The following PDE11A variants were observed in gnomAD, a reference collection of about 807,000 sequenced individuals.
The protein encoded by PDE11A is dual 3',5'-cyclic-AMP and -GMP phosphodiesterase 11A.
Under a neutral mutation model 100.5 loss-of-function variants are expected in PDE11A, and 100 were observed. The observed-to-expected ratio is 1.00, with a 90% CI of 0.85 to 1.18. PDE11A has a LOEUF of 1.18. Ranked by LOEUF, PDE11A falls within the 50% of genes most tolerant of loss-of-function variation. PDE11A has a pLI of 0.00. For missense variants in PDE11A, 1,141 were observed against 1,152.6 expected, an observed-to-expected ratio of 0.99 and a Z score of 0.15; for synonymous variants, 381 against 420.8, an observed-to-expected ratio of 0.91 and a Z score of 1.16.
intron 18 of PDE11A, among the ~76,000 whole-genome samples, chr2:177,665,432 A>G (rs907557873): frequency 2.6e-5 from 4 of 151,730 alleles, no homozygotes; most frequent in Non-Finnish European, 5.9e-5. Context: ...TTGAGCTACA[A>G]TCATGTCGTT....
chr2:177,698,689 T>G (rs997421369), intron 14 of PDE11A: 10 of 152,224 alleles, frequency 6.6e-5, no homozygotes, highest in African/African-American at 2.4e-4. Context: ...CCGCCACTCC[T>G]TAAAGACTAG....
chr2:178,072,831 G>A (rs183973011), upstream of PDE11A: 1 of 1,188,758 alleles, frequency 8.4e-7, no homozygotes, highest in Admixed American at 3.8e-5. Context: ...CCCTGAGTGA[G>A]GCACGGAGCC....
At chr2:177,648,364 A>G (rs1046377417) in intron 19 of PDE11A, among the ~76,000 whole-genome samples, 38 of 152,112 alleles carry the variant, frequency 2.5e-4, no homozygotes, top group African/African-American at 8.7e-4. Flanking sequence ...AGGGACCAAT[A>G]TTTTCAGTAG....
intron 2 of PDE11A, among the ~76,000 whole-genome samples, chr2:177,970,258 A>G (rs560298953): frequency 2.0e-5 from 3 of 152,310 alleles, no homozygotes; most frequent in Non-Finnish European, 4.4e-5. Flanking sequence ...TTAAACTGAC[A>G]CGTTTACATT....
chr2:177,693,649 T>C (rs1300995413), intron 15 of PDE11A, among the ~76,000 whole-genome samples: 1 of 152,164 alleles, frequency 6.6e-6, no homozygotes, highest in Non-Finnish European at 1.5e-5. Flanking sequence ...GAGTCAACAT[T>C]ATCACATAAT....
intron 2 of PDE11A, among the ~76,000 whole-genome samples, chr2:177,969,440 A>T (rs967115905): frequency 3.3e-5 from 5 of 152,146 alleles, no homozygotes; most frequent in African/African-American, 1.2e-4. Context: ...AAATAATAAA[A>T]AAAAACTCTC....
chr2:177,968,816 G>C (rs1158024159), intron 2 of PDE11A, among the ~76,000 whole-genome samples: 1 of 152,230 alleles, frequency 6.6e-6, no homozygotes, highest in Non-Finnish European at 1.5e-5. Context: ...GTACACTGTT[G>C]GTGGGAGGGT....
chr2:177,932,545 T>C lies in PDE11A; in HGVS notation c.1072-27358A>G, dbSNP rs536634576. ...TAATAAATGTGATTCACCACATAAA[T>C]GGAATTAAAAACAAAATCAAAAGAT... On this transcript the variant is annotated intron_variant, in intron 2 of 19. Coordinates refer to ENST00000286063, the MANE Select transcript of PDE11A (RefSeq NM_016953.4). Among the ~76,000 whole-genome samples, 16 of 152,208 alleles carry C rather than the reference T, an allele frequency of 1.1e-4. No homozygotes were observed. In the South Asian group the frequency reaches 3.3e-3, roughly 32 times the overall value.
intron 1 of PDE11A, among the ~76,000 whole-genome samples, chr2:178,021,555 C>T (rs899356589): frequency 1.3e-5 from 2 of 152,028 alleles, no homozygotes; most frequent in Non-Finnish European, 2.9e-5. Context: ...GATAAAGGAA[C>T]ATGTTACTCT....
At chr2:177,965,590 A>G (rs1256447172) in intron 2 of PDE11A, among the ~76,000 whole-genome samples, 1 of 152,138 alleles carries the variant, frequency 6.6e-6, no homozygotes, top group African/African-American at 2.4e-5. Flanking sequence ...TTAGCCAGTT[A>G]TCCCAGCACC....
chr2:177,907,054 A>G (rs1241671087), intron 2 of PDE11A, among the ~76,000 whole-genome samples: 1 of 152,114 alleles, frequency 6.6e-6, no homozygotes. Flanking sequence ...AGAGTGATCA[A>G]ATGAAGATGT....
At chr2:178,035,153 G>A (rs1020297935) in intron 1 of PDE11A, among the ~76,000 whole-genome samples, 2 of 151,694 alleles carry the variant, frequency 1.3e-5, no homozygotes, top group Non-Finnish European at 2.9e-5. Context: ...GAAGAAAAGA[G>A]AGAAGAATCA....
At chr2:178,055,456 C>T (rs1324541392) in intron 1 of PDE11A, among the ~76,000 whole-genome samples, 1 of 151,974 alleles carries the variant, frequency 6.6e-6, no homozygotes, top group African/African-American at 2.4e-5. Context: ...ATGTAACAAA[C>T]CTGCACGTTG....
intron 2 of PDE11A, among the ~76,000 whole-genome samples, chr2:177,907,841 A>G (rs773911802): frequency 2.6e-5 from 4 of 152,240 alleles, no homozygotes; most frequent in African/African-American, 4.8e-5. Context: ...CATGCAATCT[A>G]CTATATGTGC....
intron 1 of PDE11A, among the ~76,000 whole-genome samples, chr2:178,036,132 C>G (rs115255375): frequency 0.015 from 2,229 of 152,292 alleles, 44 homozygotes; most frequent in East Asian, 0.091. Context: ...ACCCCATTGT[C>G]TAAGCTCCAA....
intron 1 of PDE11A, among the ~76,000 whole-genome samples, chr2:178,035,008 A>C (rs1208859926): frequency 6.6e-6 from 1 of 152,204 alleles, no homozygotes; most frequent in Non-Finnish European, 1.5e-5. Context: ...AGCAGAGGAC[A>C]AGAAATAACT....
chr2:177,641,047 TC>T (rs1238248901), intron 19 of PDE11A, among the ~76,000 whole-genome samples: 1 of 152,146 alleles, frequency 6.6e-6, no homozygotes, highest in Non-Finnish European at 1.5e-5. Flanking sequence ...CTAACCAGTC[TC>T]CCAGCCTTCC....
chr2:177,842,836 A>G (rs187629064), intron 5 of PDE11A, among the ~76,000 whole-genome samples: 1 of 152,038 alleles, frequency 6.6e-6, no homozygotes, highest in East Asian at 1.9e-4. Flanking sequence ...AGATAGGGGA[A>G]AGATGACAGA....
At chr2:177,929,586 G>A (rs2085178996) in intron 2 of PDE11A, among the ~76,000 whole-genome samples, 1 of 152,156 alleles carries the variant, frequency 6.6e-6, no homozygotes, top group Non-Finnish European at 1.5e-5. Flanking sequence ...GGCTTCTGTG[G>A]TCTACCTTCC....
Sources: gnomAD v4.1 joint callset for allele counts (sites outside exome capture counted in the v4.1 genomes callset) on GRCh38, gnomAD v4.1.1 for gene constraint, MANE v1.5 for transcripts, NCBI Gene and HGNC (gene_info 2026-07-23, HGNC 2026-07-21) for gene names.